PKIB: variants seen among roughly 807,000 people sequenced by gnomAD.
PKIB encodes the protein PKI-beta.
A neutral mutation model predicts 4.5 loss-of-function variants in PKIB; 2 were observed. The ratio of observed to expected loss-of-function variants is 0.44; its 90% CI spans 0.18 to 1.39. The LOEUF (loss-of-function observed/expected upper bound fraction) is 1.39. Among genes scored for constraint, PKIB ranks in the 40% most tolerant of loss-of-function variants. PKIB has a pLI of 0.27. For synonymous variants in PKIB, 38 were observed against 36.0 expected, an observed-to-expected ratio of 1.06 and a Z score of -0.20; for missense variants, 94 against 92.6, an observed-to-expected ratio of 1.02 and a Z score of -0.06.
chr6:122,575,868 C>T (rs1400665630), intron 2 of PKIB, among the ~76,000 whole-genome samples: 4 of 151,972 alleles, frequency 2.6e-5, no homozygotes, highest in Admixed American at 6.6e-5. Context: ...AGAACTTATC[C>T]GTGTAAGCAA....
chr6:122,560,293 T>G (rs1772976282), intron 2 of PKIB, among the ~76,000 whole-genome samples: 1 of 152,142 alleles, frequency 6.6e-6, no homozygotes, highest in Non-Finnish European at 1.5e-5. Flanking sequence ...TTGCATCTAT[T>G]GAGATGATCA....
chr6:122,482,916 T>C (rs781592010), intron 2 of PKIB: 2 of 150,908 alleles, frequency 1.3e-5, no homozygotes, highest in Non-Finnish European at 3.0e-5. Context: ...CCCGCTGAAA[T>C]AGGAGCTTGC....
At chr6:122,669,155 T>C (rs568909371) in intron 2 of PKIB, among the ~76,000 whole-genome samples, 3 of 152,326 alleles carry the variant, frequency 2.0e-5, no homozygotes, top group African/African-American at 7.2e-5. Context: ...ACCTCTTTTC[T>C]TCCTCTATTG....
At chr6:122,621,523 G>T (rs555633274) in intron 1 of PKIB, among the ~76,000 whole-genome samples, 1 of 152,160 alleles carries the variant, frequency 6.6e-6, no homozygotes, top group East Asian at 1.9e-4. Flanking sequence ...TATCAGGAAT[G>T]GTTTCTCTGT....
rs116806263 is a variant in PKIB at position 122,513,036 on chromosome 6, T to C, written c.-248+35097T>C. On this transcript the variant is annotated intron_variant, in intron 2 of 6. Coordinates refer to the PKIB transcript ENST00000392491. Reference sequence around the variant, plus strand: ...CTGTTTGAATGTCTCACAGACACTTTAACCATGACATGCCTGATGTGGACA... The same window carrying C: ...CTGTTTGAATGTCTCACAGACACTTCAACCATGACATGCCTGATGTGGACA... 4.8e-3 allele frequency among the ~76,000 whole-genome samples: 730 copies of C among 152,330 alleles called. 5 individuals are homozygous for C. Among genetic ancestry groups the C allele is most frequent in the African/African-American group, 0.017 (688 of 41,562 alleles).
At chr6:122,594,158 A>G (rs2114729191) in intron 3 of PKIB, among the ~76,000 whole-genome samples, 1 of 152,322 alleles carries the variant, frequency 6.6e-6, no homozygotes, top group South Asian at 2.1e-4. Flanking sequence ...TGCTGATGTG[A>G]AGTCAATAAA....
chr6:122,646,777 C>A (rs1776333682), intron 2 of PKIB, among the ~76,000 whole-genome samples: 1 of 152,000 alleles, frequency 6.6e-6, no homozygotes, highest in Non-Finnish European at 1.5e-5. Context: ...GACTTTGGGG[C>A]AAGTAGTTTA....
In PKIB at chr6:122,625,879, G is replaced by A. The variant is rs180971831; in HGVS notation, c.-160-7404G>A. 3.5e-3 allele frequency among the ~76,000 whole-genome samples: 535 copies of A among 152,142 alleles called. 4 individuals carry two copies. The highest frequency in any genetic ancestry group is 0.012 in the African/African-American group (511 of 41,494). On this transcript the variant is annotated intron_variant, in intron 1 of 4. Transcript: ENST00000368452. The stretch of plus-strand genomic sequence containing the variant: ...AGCCCAGGAGTTTGAGACCAGCCTG[G>A]GCAACATGGACAAATTCCATCTCTA...
At chr6:122,579,531 G>A (rs1175159535) in intron 2 of PKIB, among the ~76,000 whole-genome samples, 1 of 152,016 alleles carries the variant, frequency 6.6e-6, no homozygotes, top group Non-Finnish European at 1.5e-5. Flanking sequence ...GCAGGAATTT[G>A]TATATTACTC....
intron 2 of PKIB, among the ~76,000 whole-genome samples, chr6:122,649,828 C>G (rs560358096): frequency 6.6e-6 from 1 of 152,122 alleles, no homozygotes; most frequent in Non-Finnish European, 1.5e-5. Context: ...GGAACAAAGC[C>G]TCAGAGTTTG....
intron 2 of PKIB, among the ~76,000 whole-genome samples, chr6:122,523,788 A>G (rs1327181095): frequency 6.6e-6 from 1 of 151,914 alleles, no homozygotes; most frequent in Non-Finnish European, 1.5e-5. Context: ...GTATCAAGAA[A>G]AAAAAAAAAG....
chr6:122,542,911 G>A (rs1582687883), intron 2 of PKIB, among the ~76,000 whole-genome samples: 1 of 152,092 alleles, frequency 6.6e-6, no homozygotes, highest in African/African-American at 2.4e-5. Flanking sequence ...TCAAGCCTGG[G>A]CAATGGCAGG....
intron 3 of PKIB, among the ~76,000 whole-genome samples, chr6:122,710,587 G>T (rs981131946): frequency 3.9e-5 from 6 of 152,190 alleles, no homozygotes; most frequent in Middle Eastern, 3.4e-3. Context: ...TTATTTTCTG[G>T]GGTTCCATTA....
chr6:122,503,166 A>T (rs1165484067), intron 2 of PKIB, among the ~76,000 whole-genome samples: 1 of 152,092 alleles, frequency 6.6e-6, no homozygotes, highest in Admixed American at 6.5e-5. Flanking sequence ...CCCACGAAAG[A>T]CCCCACTTCC....
At chr6:122,532,291 CT>C (rs1777282063) in intron 2 of PKIB, among the ~76,000 whole-genome samples, 1 of 152,174 alleles carries the variant, frequency 6.6e-6, no homozygotes, top group Non-Finnish European at 1.5e-5. Context: ...AATTAGTTCT[CT>C]ATCACTCTTT....
chr6:122,609,144 T>A (rs974706955), upstream of PKIB, among the ~76,000 whole-genome samples: 1 of 152,072 alleles, frequency 6.6e-6, no homozygotes, highest in Non-Finnish European at 1.5e-5. Context: ...TGCCAGTACT[T>A]TTTTGCAATT....
intron 3 of PKIB, among the ~76,000 whole-genome samples, chr6:122,591,581 A>G (rs954204068): frequency 6.6e-6 from 1 of 152,190 alleles, no homozygotes; most frequent in African/African-American, 2.4e-5. Flanking sequence ...GTAGAATAGT[A>G]TTATTCTAAT....
intron 2 of PKIB, among the ~76,000 whole-genome samples, chr6:122,563,123 C>T (rs559073124): frequency 6.6e-6 from 1 of 152,220 alleles, no homozygotes; most frequent in African/African-American, 2.4e-5. Context: ...GGGCTGAAGG[C>T]TGTTGTTCAG....
At chr6:122,576,710 A>ATATATATATATATATATATATATTTT (rs59569106) in intron 2 of PKIB, among the ~76,000 whole-genome samples, 1 of 109,990 alleles carries the variant, frequency 9.1e-6, no homozygotes, top group African/African-American at 4.0e-5. Context: ...ATATATATAT[A>ATATATATATATATATATATATATTTT]TTTTCTTTTG....
Sources: gnomAD v4.1 joint callset for allele counts (sites outside exome capture counted in the v4.1 genomes callset) on GRCh38, gnomAD v4.1.1 for gene constraint, MANE v1.5 for transcripts, NCBI Gene and HGNC (gene_info 2026-07-23, HGNC 2026-07-21) for gene names.